Variants in NRXN1 observed in about 807,000 individuals in gnomAD.
NRXN1 encodes neurexin 1, also known as neurexin-1.
In NRXN1, 39 loss-of-function variants were observed where a neutral mutation model predicts 150.9. That is an observed-to-expected ratio of 0.26 (90% confidence interval 0.20 to 0.34). The LOEUF (loss-of-function observed/expected upper bound fraction) is 0.34. NRXN1 is among the 10% of genes least tolerant of loss of function. The pLI is 1.00. For synonymous variants in NRXN1, 924 were observed against 757.0 expected (o/e 1.22, Z -3.62); for missense variants, 1,815 against 1,949.9 (o/e 0.93, Z 1.30).
At chr2:49,946,039 A>G (rs561379924) in intron 21 of NRXN1, among the ~76,000 whole-genome samples, 5 of 152,250 alleles carry the variant, frequency 3.3e-5, no homozygotes, top group Admixed American at 6.5e-5. Context: ...CACATCCTCC[A>G]GCATCTGTTG....
chr2:50,972,367 A>T (rs2104797726), intron 2 of NRXN1, among the ~76,000 whole-genome samples: 1 of 152,230 alleles, frequency 6.6e-6, no homozygotes, highest in East Asian at 1.9e-4. Context: ...CCACCAATCT[A>T]TATGCCACTT....
chr2:50,453,010 T>C (rs2087144689), intron 17 of NRXN1, among the ~76,000 whole-genome samples: 1 of 152,214 alleles, frequency 6.6e-6, no homozygotes, highest in Non-Finnish European at 1.5e-5. Context: ...AAATTTTGTA[T>C]TCTTTTCAAA....
chr2:50,329,684 T>TC (rs1231007894), intron 17 of NRXN1, among the ~76,000 whole-genome samples: 1 of 86,506 alleles, frequency 1.2e-5, no homozygotes, highest in African/African-American at 4.2e-5. Context: ...TTTTTTTTTT[T>TC]CCCCCCCGAG....
intron 8 of NRXN1, among the ~76,000 whole-genome samples, chr2:50,565,232 G>A (rs1271531763): frequency 6.6e-6 from 1 of 151,900 alleles, no homozygotes; most frequent in African/African-American, 2.4e-5. Context: ...GTGGATGACA[G>A]TATGCATACA....
At chr2:50,820,498 T>C (rs1199926625) in intron 5 of NRXN1, among the ~76,000 whole-genome samples, 1 of 152,108 alleles carries the variant, frequency 6.6e-6, no homozygotes, top group Non-Finnish European at 1.5e-5. Context: ...CCACAAACAC[T>C]TTTTCAATGA....
At chr2:50,495,146 T>G (rs1056990323) in intron 15 of NRXN1, among the ~76,000 whole-genome samples, 5 of 152,152 alleles carry the variant, frequency 3.3e-5, no homozygotes, top group African/African-American at 9.7e-5. Flanking sequence ...ATGCCTGTTG[T>G]AGTGTTAAAT....
At chr2:50,745,299 G>GC (rs34515222) in intron 5 of NRXN1, among the ~76,000 whole-genome samples, 66,942 of 131,002 alleles carry the variant, frequency 0.51, 17,027 homozygotes, top group East Asian at 0.63. Flanking sequence ...ATTTATATCT[G>GC]CCCCCCCCCA....
intron 12 of NRXN1, among the ~76,000 whole-genome samples, chr2:50,514,624 C>T (rs2105069309): frequency 6.6e-6 from 1 of 152,256 alleles, no homozygotes; most frequent in East Asian, 1.9e-4. Flanking sequence ...CATTGCAACT[C>T]TTCAACTTTA....
intron 5 of NRXN1, among the ~76,000 whole-genome samples, chr2:50,727,153 G>T (rs1697465268): frequency 6.6e-6 from 1 of 152,010 alleles, no homozygotes; most frequent in South Asian, 2.1e-4. Flanking sequence ...TCTTTTAAAA[G>T]ATATTGTTTG....
intron 10 of NRXN1, 86 bp downstream of exon 10, chr2:50,538,167 G>A (rs1015556426): frequency 9.0e-6 from 13 of 1,450,564 alleles, no homozygotes; most frequent in Admixed American, 4.2e-5. Flanking sequence ...TATACATTAC[G>A]TTTCAATGGT....
chr2:50,870,335 G>T (rs919001730), intron 5 of NRXN1, among the ~76,000 whole-genome samples: 1 of 151,868 alleles, frequency 6.6e-6, no homozygotes, highest in Middle Eastern at 3.4e-3. Context: ...CAATCATTGA[G>T]TCTTCTTTTA....
At chr2:50,305,980 C>T (rs566472989) in intron 17 of NRXN1, among the ~76,000 whole-genome samples, 1 of 152,278 alleles carries the variant, frequency 6.6e-6, no homozygotes, top group East Asian at 1.9e-4. Context: ...CCTGTTGCCT[C>T]CTGGTTTTGT....
chr2:50,205,435 G>A (rs2062497703), intron 18 of NRXN1, among the ~76,000 whole-genome samples: 1 of 151,944 alleles, frequency 6.6e-6, no homozygotes, highest in African/African-American at 2.4e-5. Context: ...CTACATGAAG[G>A]CAGTAACTCT....
chr2:50,639,367 C>T (rs1267420082), intron 5 of NRXN1, among the ~76,000 whole-genome samples: 1 of 151,628 alleles, frequency 6.6e-6, no homozygotes, highest in African/African-American at 2.4e-5. Flanking sequence ...ATTACAGACT[C>T]CCACCACTAG....
At chr2:50,596,863 C>CGTT (rs35104444) in intron 8 of NRXN1, among the ~76,000 whole-genome samples, 1 of 92,152 alleles carries the variant, frequency 1.1e-5, no homozygotes, top group African/African-American at 4.3e-5. Context: ...ATTCCTAGGA[C>CGTT]TTTTTTTTTT....
chr2:50,751,921 A>G (rs747104978), intron 5 of NRXN1, among the ~76,000 whole-genome samples: 1 of 151,942 alleles, frequency 6.6e-6, no homozygotes, highest in Non-Finnish European at 1.5e-5. Flanking sequence ...TCCACTGTGT[A>G]TCACCTAGCA....
At chr2:50,233,847 A>G (rs1231894277) in intron 18 of NRXN1, among the ~76,000 whole-genome samples, 1 of 152,074 alleles carries the variant, frequency 6.6e-6, no homozygotes, top group Non-Finnish European at 1.5e-5. Context: ...AAGTAGAACA[A>G]TTTATTGGGC....
chr2:50,897,002 GAGA>G (rs1682077459), intron 5 of NRXN1, among the ~76,000 whole-genome samples: 1 of 152,222 alleles, frequency 6.6e-6, no homozygotes, highest in Non-Finnish European at 1.5e-5. Context: ...GTCAGTGTGA[GAGA>G]AGGAGACAAT....
intron 17 of NRXN1, among the ~76,000 whole-genome samples, chr2:50,411,953 A>G (rs1297940922): frequency 2.6e-5 from 4 of 152,202 alleles, no homozygotes; most frequent in Admixed American, 6.5e-5. Flanking sequence ...AGGAGACTCC[A>G]TTTTGTTCTG....
Sources: gnomAD v4.1 joint callset for allele counts (sites outside exome capture counted in the v4.1 genomes callset) on GRCh38, gnomAD v4.1.1 for gene constraint, MANE v1.5 for transcripts, NCBI Gene and HGNC (gene_info 2026-07-23, HGNC 2026-07-21) for gene names.